PTPRA: variants seen among roughly 807,000 people sequenced by gnomAD.
PTPRA encodes the protein receptor-type tyrosine-protein phosphatase alpha.
PTPRA carries 25 observed loss-of-function variants against 104.8 expected under a neutral mutation model. That is an observed-to-expected ratio of 0.24 (90% CI 0.17 to 0.33). The LOEUF (loss-of-function observed/expected upper bound fraction) is 0.33. PTPRA is among the 10% of genes least tolerant of loss of function. The probability of loss-of-function intolerance (pLI) is 1.00; values close to 1 mark genes in which losing one functional copy is unlikely to be tolerated. For missense variants in PTPRA, 765 were observed against 1,015.3 expected (o/e 0.75, Z 3.35); for synonymous variants, 323 against 368.9 (o/e 0.88, Z 1.43).
chr20:2,887,033 G>A (rs1255041379), intron 1 of PTPRA, among the ~76,000 whole-genome samples: 1 of 152,098 alleles, frequency 6.6e-6, no homozygotes, highest in Non-Finnish European at 1.5e-5. Context: ...CAGCCATAGT[G>A]CTTCTTCCTT....
At chr20:2,943,223 C>G (rs933439318) in intron 2 of PTPRA, among the ~76,000 whole-genome samples, 12 of 148,372 alleles carry the variant, frequency 8.1e-5, no homozygotes, top group Middle Eastern at 3.5e-3. Context: ...ACCCCCCCCC[C>G]AGATAAGGGG....
At chr20:3,020,673 C>T (rs563846076) in intron 13 of PTPRA, among the ~76,000 whole-genome samples, 12 of 152,340 alleles carry the variant, frequency 7.9e-5, no homozygotes, top group African/African-American at 2.4e-4. Flanking sequence ...GGTCGAGCCC[C>T]AGCGAGGAAT....
intron 2 of PTPRA, among the ~76,000 whole-genome samples, chr20:2,933,203 A>G (rs1364693858): frequency 2.0e-5 from 3 of 152,166 alleles, no homozygotes; most frequent in African/African-American, 7.2e-5. Context: ...AGAGGTAAGA[A>G]AAGTACCATG....
At chr20:2,948,696 A>C (rs2061233088) in intron 3 of PTPRA, among the ~76,000 whole-genome samples, 1 of 152,182 alleles carries the variant, frequency 6.6e-6, no homozygotes, top group South Asian at 2.1e-4. Flanking sequence ...TCACGCCTGG[A>C]ATCCCAGCAC....
intron 3 of PTPRA, among the ~76,000 whole-genome samples, chr20:2,955,094 C>G (rs1166304492): frequency 2.0e-5 from 3 of 152,204 alleles, no homozygotes; most frequent in African/African-American, 4.8e-5. Flanking sequence ...TAAGCCTTAA[C>G]ACTGAGTAGA....
intron 6 of PTPRA, among the ~76,000 whole-genome samples, chr20:2,977,472 C>G (rs1345632763): frequency 6.6e-6 from 1 of 151,852 alleles, no homozygotes; most frequent in Non-Finnish European, 1.5e-5. Context: ...ATGGGGAAAC[C>G]TTGTCTCTAC....
chr20:3,020,292 G>A (rs928533853), intron 13 of PTPRA, among the ~76,000 whole-genome samples: 11 of 151,874 alleles, frequency 7.2e-5, no homozygotes, highest in Non-Finnish European at 1.3e-4. Flanking sequence ...TAGAGACGGG[G>A]TTTCACTGTG....
At chr20:2,953,242 G>GT (rs950528922) in intron 3 of PTPRA, among the ~76,000 whole-genome samples, 1 of 151,414 alleles carries the variant, frequency 6.6e-6, no homozygotes, top group African/African-American at 2.4e-5. Flanking sequence ...TTATTTTGGG[G>GT]TTTTTTATTT....
intron 16 of PTPRA, among the ~76,000 whole-genome samples, chr20:3,024,150 G>C (rs2065022554): frequency 6.6e-6 from 1 of 152,162 alleles, no homozygotes; most frequent in Admixed American, 6.5e-5. Flanking sequence ...CACGGGCTTT[G>C]GGTGTCTCCA....
chr20:2,890,822 T>C (rs1037511333), intron 1 of PTPRA, among the ~76,000 whole-genome samples: 1 of 152,222 alleles, frequency 6.6e-6, no homozygotes, highest in African/African-American at 2.4e-5. Context: ...TTGTTTGAGT[T>C]ACCAAAGATT....
Position 3,005,107 on chromosome 20 carries a change from G to C in PTPRA, c.790G>C (p.Glu264Gln), listed in dbSNP as rs765499061. Reference protein sequence around the residue: ...QATCEAASKEENKEKNRYVNI... With the variant: ...QATCEAASKEQNKEKNRYVNI... The stretch of plus-strand genomic sequence containing the variant: ...CACCTGTGAGGCTGCTTCCAAGGAG[G>C]AAAACAAGGAAAAAAATCGATATGT... Residue 264 changes from glutamate (E) to glutamine (Q), a missense_variant, in exon 10 of 24, where the codon GAA (glutamate) becomes CAA (glutamine). Glu to Gln is a conservative substitution (Grantham distance 29). This residue lies in a region of PTPRA where 245 missense variants were observed against 398.7 expected (regional missense o/e 0.61). Transcript: ENST00000399903. 1 of 1,610,912 alleles carries C rather than the reference G, an allele frequency of 6.2e-7. No homozygotes were observed. The highest frequency in any genetic ancestry group is 1.7e-5 in the Admixed American group (1 of 60,000).
chr20:2,927,706 T>C (rs951060261), intron 2 of PTPRA, among the ~76,000 whole-genome samples: 1 of 152,170 alleles, frequency 6.6e-6, no homozygotes, highest in African/African-American at 2.4e-5. Flanking sequence ...TTTGTATTTG[T>C]TTTTTAAATC....
rs145811880 is a variant in PTPRA, at chr20:3,024,776, C to G, written c.1614+155C>G. Among the ~76,000 whole-genome samples the G allele has an allele frequency of 8.7e-4, 133 of 152,292 alleles. 1 individual carries two copies. Among genetic ancestry groups the G allele is most frequent in the African/African-American group, 2.9e-3 (120 of 41,548 alleles). On this transcript the variant is annotated intron_variant, in intron 17 of 23. Transcript: ENST00000399903. ...CCTTTCCTCGTACTCTGGTAACTCTCAACTCATCCTGCACGTTGGAATCAC... is the reference window on the plus strand; with the variant it reads ...CCTTTCCTCGTACTCTGGTAACTCTGAACTCATCCTGCACGTTGGAATCAC...
chr20:2,925,034 A>G (rs1436199248), intron 2 of PTPRA, among the ~76,000 whole-genome samples: 1 of 152,178 alleles, frequency 6.6e-6, no homozygotes, highest in South Asian at 2.1e-4. Context: ...ATGGTAAAAT[A>G]TATATAAGAT....
intron 20 of PTPRA, among the ~76,000 whole-genome samples, chr20:3,033,756 C>T (rs922323698): frequency 3.3e-5 from 5 of 151,534 alleles, no homozygotes; most frequent in Non-Finnish European, 7.4e-5. Context: ...ACAAAATTAG[C>T]GGGCATGGTG....
At chr20:2,884,436 C>T (rs1453884866) in intron 1 of PTPRA, among the ~76,000 whole-genome samples, 1 of 152,130 alleles carries the variant, frequency 6.6e-6, no homozygotes, top group Non-Finnish European at 1.5e-5. Context: ...TCTTTGCCAA[C>T]ATTTGTTACT....
At chr20:2,922,331 T>C (rs2060125259) in intron 1 of PTPRA, among the ~76,000 whole-genome samples, 2 of 151,896 alleles carry the variant, frequency 1.3e-5, no homozygotes, top group African/African-American at 4.8e-5. Flanking sequence ...AATAGGGCTG[T>C]TTTATTGATT....
At chr20:2,927,176 G>T in intron 2 of PTPRA, among the ~76,000 whole-genome samples, 1 of 152,102 alleles carries the variant, frequency 6.6e-6, no homozygotes, top group Non-Finnish European at 1.5e-5. Context: ...CCAAAGTGCT[G>T]GGATTACAGT....
chr20:3,006,491 A>G (rs1026631692), intron 10 of PTPRA, among the ~76,000 whole-genome samples: 1 of 152,222 alleles, frequency 6.6e-6, no homozygotes, highest in South Asian at 2.1e-4. Flanking sequence ...TAAAAATTTT[A>G]TATTTCAGGG....
Sources: gnomAD v4.1 joint callset for allele counts (sites outside exome capture counted in the v4.1 genomes callset) on GRCh38, gnomAD v4.1.1 for gene constraint, gnomAD v4.1.1 regional missense constraint, MANE v1.5 for transcripts, NCBI Gene and HGNC (gene_info 2026-07-23, HGNC 2026-07-21) for gene names.